Variants in ZNF678 observed in about 807,000 individuals in gnomAD.
The protein encoded by ZNF678 is zinc finger protein 678, also known as hypothetical protein MGC42493.
A neutral mutation model predicts 3.0 loss-of-function variants in ZNF678; 5 were observed. That is an observed-to-expected ratio of 1.69 (90% confidence interval 0.88 to 3.56). The LOEUF is 3.56. ZNF678 is among the 30% of genes most tolerant of loss of function. ZNF678 has a pLI of 0.00. For missense variants in ZNF678, 593 were observed against 605.0 expected, an observed-to-expected ratio of 0.98 and a Z score of 0.21; for synonymous variants, 218 against 199.6, an observed-to-expected ratio of 1.09 and a Z score of -0.78.
At chr1:227,608,090 C>A (rs1657923251) in intron 1 of ZNF678, among the ~76,000 whole-genome samples, 1 of 151,616 alleles carries the variant, frequency 6.6e-6, no homozygotes. Flanking sequence ...TTTAAGGCTC[C>A]AAAAGTATAA....
intron 5 of ZNF678, among the ~76,000 whole-genome samples, chr1:227,675,149 G>T (rs1659660125): frequency 6.6e-6 from 1 of 152,074 alleles, no homozygotes; most frequent in Admixed American, 6.6e-5. Context: ...GAGATAATAA[G>T]GTTTAGATGA....
chr1:227,674,395 G>A (rs921260239), intron 5 of ZNF678, among the ~76,000 whole-genome samples: 2 of 152,050 alleles, frequency 1.3e-5, no homozygotes, highest in African/African-American at 4.8e-5. Context: ...ACAAGGATAG[G>A]AATCAAGTAT....
At chr1:227,578,688 C>T (rs1016820208) in intron 1 of ZNF678, among the ~76,000 whole-genome samples, 9 of 152,152 alleles carry the variant, frequency 5.9e-5, no homozygotes, top group African/African-American at 2.2e-4. Flanking sequence ...TCAATGTATG[C>T]CCATAGCTCA....
intron 1 of ZNF678, among the ~76,000 whole-genome samples, chr1:227,607,280 A>C (rs1476101905): frequency 6.6e-6 from 1 of 152,192 alleles, no homozygotes; most frequent in Non-Finnish European, 1.5e-5. Flanking sequence ...AAATAATGTG[A>C]AAAAATGAGG....
chr1:227,596,390 A>G (rs1657589252), intron 1 of ZNF678, among the ~76,000 whole-genome samples: 1 of 152,228 alleles, frequency 6.6e-6, no homozygotes, highest in African/African-American at 2.4e-5. Flanking sequence ...TGAGTGAGCA[A>G]TTCCTGTCCC....
At chr1:227,577,745 AG>A (rs1657022370) in intron 1 of ZNF678, among the ~76,000 whole-genome samples, 2 of 152,162 alleles carry the variant, frequency 1.3e-5, no homozygotes, top group African/African-American at 4.8e-5. Flanking sequence ...ATTTAAGGTT[AG>A]TATTAAAATG....
intron 1 of ZNF678, among the ~76,000 whole-genome samples, chr1:227,637,104 C>CT (rs1035261201): frequency 6.6e-6 from 1 of 152,024 alleles, no homozygotes; most frequent in African/African-American, 2.4e-5. Context: ...TAGGAAGGAG[C>CT]TGCCATTTAC....
chr1:227,596,246 C>T (rs1451177292), intron 1 of ZNF678, among the ~76,000 whole-genome samples: 3 of 152,240 alleles, frequency 2.0e-5, no homozygotes, highest in Non-Finnish European at 4.4e-5. Flanking sequence ...AATCACCTCA[C>T]TTCCCAGTCA....
intron 1 of ZNF678, among the ~76,000 whole-genome samples, chr1:227,608,360 A>G (rs1037208425): frequency 1.3e-5 from 2 of 152,142 alleles, no homozygotes; most frequent in Non-Finnish European, 2.9e-5. Context: ...ATCTTAAAAT[A>G]GGTAAATAAA....
At chr1:227,575,949 A>G (rs1215680900) in intron 1 of ZNF678, among the ~76,000 whole-genome samples, 3 of 152,166 alleles carry the variant, frequency 2.0e-5, no homozygotes, top group African/African-American at 4.8e-5. Context: ...AGTTTTAATC[A>G]TGAAGCATTG....
intron 1 of ZNF678, among the ~76,000 whole-genome samples, chr1:227,584,012 A>G (rs190617891): frequency 1.4e-4 from 22 of 152,332 alleles, no homozygotes; most frequent in African/African-American, 5.1e-4. Context: ...GAGCTAAGAC[A>G]ATCTTTCTTA....
chr1:227,581,731 A>C (rs892861553), intron 1 of ZNF678, among the ~76,000 whole-genome samples: 11 of 152,170 alleles, frequency 7.2e-5, no homozygotes, highest in African/African-American at 2.4e-4. Flanking sequence ...TTTTTAGTGC[A>C]TGTCTTTGTT....
At chr1:227,609,246 G>A (rs1287825644) in intron 1 of ZNF678, among the ~76,000 whole-genome samples, 1 of 151,764 alleles carries the variant, frequency 6.6e-6, no homozygotes, top group Non-Finnish European at 1.5e-5. Context: ...AAAGATCAAG[G>A]AAAAACAAAC....
chr1:227,634,988 A>G (rs12564049), intron 1 of ZNF678, among the ~76,000 whole-genome samples: 3 of 150,314 alleles, frequency 2.0e-5, no homozygotes, highest in African/African-American at 7.4e-5. Context: ...TGCTTGTGTC[A>G]CCCTTCCTCC....
intron 1 of ZNF678, among the ~76,000 whole-genome samples, chr1:227,577,156 T>C (rs10916169): frequency 0.52 from 79,362 of 152,070 alleles, 21,971 homozygotes; most frequent in Non-Finnish European, 0.62. Flanking sequence ...GTCTTTCTTC[T>C]GATTATGTGA....
chr1:227,667,025 G>A (rs1438833254), downstream of ZNF678, among the ~76,000 whole-genome samples: 5 of 151,616 alleles, frequency 3.3e-5, no homozygotes, highest in South Asian at 6.3e-4. Context: ...GATTACAGGC[G>A]TGAGCTACCG....
At chr1:227,573,977 A>G (rs533645746) in intron 1 of ZNF678, among the ~76,000 whole-genome samples, 3 of 152,144 alleles carry the variant, frequency 2.0e-5, no homozygotes, top group Admixed American at 6.5e-5. Flanking sequence ...TTCACCTCCA[A>G]TCAGGTTCCT....
chr1:227,572,109 A>G (rs377422738), intron 1 of ZNF678, among the ~76,000 whole-genome samples: 18 of 152,254 alleles, frequency 1.2e-4, no homozygotes, highest in East Asian at 9.6e-4. Context: ...CCATATGTAG[A>G]CAACTATGCT....
At chr1:227,641,759 CA>C (rs71732048) in intron 1 of ZNF678, among the ~76,000 whole-genome samples, 68,087 of 145,742 alleles carry the variant, frequency 0.47, 15,946 homozygotes, top group African/African-American at 0.59. Flanking sequence ...CATATTTCTA[CA>C]AAAAAAAAAA....
Sources: gnomAD v4.1 joint callset for allele counts (sites outside exome capture counted in the v4.1 genomes callset) on GRCh38, gnomAD v4.1.1 for gene constraint, MANE v1.5 for transcripts, NCBI Gene and HGNC (gene_info 2026-07-23, HGNC 2026-07-21) for gene names.